ANAPC10: variants seen among roughly 807,000 people sequenced by gnomAD.
ANAPC10 encodes the protein anaphase-promoting complex subunit 10.
A neutral mutation model predicts 22.0 loss-of-function variants in ANAPC10; 12 were observed. The ratio of observed to expected loss-of-function variants is 0.55; its 90% CI spans 0.35 to 0.88. ANAPC10 has a LOEUF of 0.88. Ranked by LOEUF, ANAPC10 falls within the 40% of genes least tolerant of loss-of-function variation. The pLI, the probability that ANAPC10 is intolerant of heterozygous loss-of-function variation, is 0.01. For synonymous variants in ANAPC10, 65 were observed against 69.5 expected (o/e 0.94, Z 0.32); for missense variants, 188 against 220.9 (o/e 0.85, Z 0.94).
At chr4:145,079,561 A>G (rs1041846993) in intron 3 of ANAPC10, among the ~76,000 whole-genome samples, 3 of 152,224 alleles carry the variant, frequency 2.0e-5, no homozygotes, top group South Asian at 2.1e-4. Flanking sequence ...TCATTTCACC[A>G]TAAGACAAAT....
At chr4:145,091,271 T>C (rs1043497543) in intron 2 of ANAPC10, among the ~76,000 whole-genome samples, 6 of 152,186 alleles carry the variant, frequency 3.9e-5, no homozygotes, top group African/African-American at 1.4e-4. Context: ...AACCAGTGAC[T>C]GGTGCAATAT....
chr4:145,082,064 TA>T (rs1483855733), intron 2 of ANAPC10, among the ~76,000 whole-genome samples: 8 of 152,286 alleles, frequency 5.3e-5, no homozygotes, highest in Admixed American at 6.5e-5. Flanking sequence ...GCTCAACTCT[TA>T]TTAGAGAAAT....
chr4:144,999,531 C>T (rs886469248), intron 4 of ANAPC10, among the ~76,000 whole-genome samples: 2 of 152,046 alleles, frequency 1.3e-5, no homozygotes, highest in Non-Finnish European at 2.9e-5. Flanking sequence ...AACTACAAAC[C>T]ACTGCTCAAT....
intron 4 of ANAPC10, among the ~76,000 whole-genome samples, chr4:145,050,595 TG>T (rs1216022365): frequency 1.3e-5 from 2 of 152,230 alleles, no homozygotes; most frequent in African/African-American, 2.4e-5. Flanking sequence ...GAAAATGTGT[TG>T]CTTGGTGTAT....
At chr4:144,995,961 T>C (rs1348217798) in intron 4 of ANAPC10, among the ~76,000 whole-genome samples, 1 of 152,232 alleles carries the variant, frequency 6.6e-6, no homozygotes, top group East Asian at 1.9e-4. Flanking sequence ...TAGACACAAG[T>C]AGTATGTGCC....
At position 145,009,354 on chromosome 4, in the gene ANAPC10, A is replaced by C. The variant is rs564384681; in HGVS notation, c.328-13751T>G. 2.8e-4 allele frequency among the ~76,000 whole-genome samples: 43 copies of C among 152,290 alleles called. 1 individual carries two copies. The highest frequency in any genetic ancestry group is 9.6e-4 in the African/African-American group (40 of 41,530). On this transcript the variant is annotated intron_variant, in intron 4 of 4. Coordinates refer to ENST00000507656, the MANE Select transcript of ANAPC10 (RefSeq NM_001256706.2). Reference sequence around the variant, plus strand: ...CTACTTTAAAGTTCATATGGAACCAAAAAAGAGCCCACATTGCCAAGTCAA... The same window carrying C: ...CTACTTTAAAGTTCATATGGAACCACAAAAGAGCCCACATTGCCAAGTCAA...
intron 4 of ANAPC10, among the ~76,000 whole-genome samples, chr4:145,057,628 T>C (rs994273889): frequency 9.2e-5 from 14 of 152,164 alleles, no homozygotes; most frequent in Non-Finnish European, 1.3e-4. Context: ...TACCATACCC[T>C]ACTATCCATG....
chr4:145,009,715 A>C (rs1733990355), intron 4 of ANAPC10, among the ~76,000 whole-genome samples: 1 of 152,200 alleles, frequency 6.6e-6, no homozygotes, highest in South Asian at 2.1e-4. Flanking sequence ...AAACCATAAA[A>C]ACCCTAGAAG....
intron 4 of ANAPC10, chr4:145,032,945 T>C (rs763740566): frequency 7.2e-5 from 11 of 152,250 alleles, no homozygotes; most frequent in Non-Finnish European, 1.5e-4. Flanking sequence ...CAGAATGCCT[T>C]ATCCATTGTC....
chr4:145,010,208 T>C (rs960677738), intron 4 of ANAPC10, among the ~76,000 whole-genome samples: 4 of 152,042 alleles, frequency 2.6e-5, no homozygotes, highest in Non-Finnish European at 4.4e-5. Context: ...AATAGGAACA[T>C]TTTTACACTG....
intron 4 of ANAPC10, among the ~76,000 whole-genome samples, chr4:145,003,368 G>A (rs564360033): frequency 7.4e-4 from 112 of 152,294 alleles, no homozygotes; most frequent in Admixed American, 1.2e-3. Flanking sequence ...ATGGTAGAAC[G>A]ATTTATATTC....
At chr4:145,021,275 A>G (rs1396635401) in intron 4 of ANAPC10, among the ~76,000 whole-genome samples, 2 of 152,208 alleles carry the variant, frequency 1.3e-5, no homozygotes, top group African/African-American at 2.4e-5. Flanking sequence ...ATTTCAAACT[A>G]TATTATAAGG....
chr4:145,045,623 A>G (rs1329354021), intron 4 of ANAPC10, among the ~76,000 whole-genome samples: 3 of 152,198 alleles, frequency 2.0e-5, no homozygotes, highest in East Asian at 1.9e-4. Context: ...ACTTTTTTTC[A>G]TATCACTTCT....
At chr4:145,048,243 T>A (rs931757817) in intron 4 of ANAPC10, among the ~76,000 whole-genome samples, 8 of 152,118 alleles carry the variant, frequency 5.3e-5, no homozygotes, top group African/African-American at 1.9e-4. Flanking sequence ...CTCAGCTACA[T>A]GAGTGATCAA....
At chr4:145,059,977 T>C (rs964931327) in intron 4 of ANAPC10, among the ~76,000 whole-genome samples, 23 of 152,070 alleles carry the variant, frequency 1.5e-4, no homozygotes, top group Non-Finnish European at 3.2e-4. Flanking sequence ...GATTTGAAAA[T>C]TTCTCTTGAA....
chr4:145,036,326 T>C (rs1449221199), intron 4 of ANAPC10, among the ~76,000 whole-genome samples: 1 of 152,206 alleles, frequency 6.6e-6, no homozygotes, highest in Admixed American at 6.5e-5. Flanking sequence ...TACGTACACG[T>C]TATTTAGAAT....
chr4:145,044,112 AC>A (rs1176864810), intron 4 of ANAPC10, among the ~76,000 whole-genome samples: 2 of 152,100 alleles, frequency 1.3e-5, no homozygotes, highest in Non-Finnish European at 2.9e-5. Context: ...AAAAAACAAA[AC>A]AAAAAATAGA....
intron 3 of ANAPC10, among the ~76,000 whole-genome samples, chr4:145,079,638 C>A (rs1334796349): frequency 6.6e-6 from 1 of 152,154 alleles, no homozygotes; most frequent in Non-Finnish European, 1.5e-5. Flanking sequence ...AGATGCCCAT[C>A]AACAGTGGAC....
At chr4:145,074,794 A>T (rs918040056) in intron 3 of ANAPC10, among the ~76,000 whole-genome samples, 2 of 152,206 alleles carry the variant, frequency 1.3e-5, no homozygotes, top group Non-Finnish European at 2.9e-5. Context: ...ATCTTTGATC[A>T]GTTCCAATTT....
Sources: allele counts gnomAD v4.1 joint callset (sites outside exome capture counted in the v4.1 genomes callset), GRCh38; gene constraint gnomAD v4.1.1; transcripts MANE v1.5; gene names NCBI Gene and HGNC (gene_info 2026-07-23, HGNC 2026-07-21).